The following CYFIP2 variants were observed in gnomAD, a reference collection of about 807,000 sequenced individuals.
The protein encoded by CYFIP2 is cytoplasmic FMR1 interacting protein 2.
CYFIP2 carries 29 observed loss-of-function variants against 158.7 expected under a neutral mutation model. The ratio of observed to expected loss-of-function variants is 0.18; its 90% confidence interval spans 0.14 to 0.25. The LOEUF (loss-of-function observed/expected upper bound fraction) is 0.25, where lower values mean the gene tolerates loss of function less well. CYFIP2 is among the 10% of genes least tolerant of loss of function. The probability of loss-of-function intolerance (pLI) is 1.00; values close to 1 mark genes in which losing one functional copy is unlikely to be tolerated. For missense variants in CYFIP2, 852 were observed against 1,639.5 expected (o/e 0.52, Z 8.29); for synonymous variants, 585 against 617.6 (o/e 0.95, Z 0.78).
rs780950364 is a variant in CYFIP2, at chr5:157,361,453, C to A, written c.2909-15C>A. The A allele has an allele frequency of 1.9e-6, 3 of 1,613,646 alleles. No homozygotes were observed. Among genetic ancestry groups the A allele is most frequent in the Non-Finnish European group, 2.5e-6 (3 of 1,179,870 alleles). On this transcript the variant is annotated splice_polypyrimidine_tract_variant and intron_variant, in intron 25 of 30. Transcript: ENST00000620254. The surrounding 1 kb of genome is among the most constrained non-coding windows in gnomAD (Gnocchi z 4.4). ...AGTGTCAACTTCCCACTGACCACCCCGATTCACCTCCCAGGGATCCTGGAG... is the reference window on the plus strand; with the variant it reads ...AGTGTCAACTTCCCACTGACCACCCAGATTCACCTCCCAGGGATCCTGGAG...
At chr5:157,355,876 A>G (rs1763373681) in intron 23 of CYFIP2, among the ~76,000 whole-genome samples, 1 of 152,200 alleles carries the variant, frequency 6.6e-6, no homozygotes, top group Non-Finnish European at 1.5e-5. Context: ...GAGCACAGCC[A>G]GGTCTTTGTC....
chr5:157,372,471 G>A (rs567720074), intron 26 of CYFIP2, among the ~76,000 whole-genome samples: 3 of 152,250 alleles, frequency 2.0e-5, no homozygotes, highest in South Asian at 4.2e-4. Flanking sequence ...AGTTGAAGCG[G>A]GGGACATAAA....
intron 3 of CYFIP2, among the ~76,000 whole-genome samples, chr5:157,287,411 G>C (rs948136702): frequency 6.6e-6 from 1 of 152,170 alleles, no homozygotes; most frequent in Non-Finnish European, 1.5e-5. Context: ...ATTGGATCTT[G>C]CCTTGTTTAT....
chr5:157,314,338 C>A lies in CYFIP2; in HGVS notation c.1111-6C>A. 6.2e-7 allele frequency: 1 copy of A among 1,613,126 alleles called. No individual in the cohort carries two copies. The highest frequency in any genetic ancestry group is 1.1e-5 in the South Asian group (1 of 90,922). The stretch of plus-strand genomic sequence containing the variant: ...GACCATGAGTATGACACCTGATGCT[C>A]CCCAGGTGGTGACGGGCTCAGGGCT... On this transcript the variant is annotated splice_region_variant and splice_polypyrimidine_tract_variant and intron_variant, in intron 11 of 30. Coordinates refer to ENST00000620254, the MANE Select transcript of CYFIP2 (RefSeq NM_001037333.3).
chr5:157,278,541 G>A (rs1421025272), intron 1 of CYFIP2, among the ~76,000 whole-genome samples: 4 of 152,146 alleles, frequency 2.6e-5, no homozygotes, highest in Non-Finnish European at 5.9e-5. Flanking sequence ...GAATAAAAGT[G>A]TTTACTTCTC....
At chr5:157,385,962 C>T (rs571600194) in intron 28 of CYFIP2, among the ~76,000 whole-genome samples, 3 of 152,204 alleles carry the variant, frequency 2.0e-5, no homozygotes, top group South Asian at 4.2e-4. Flanking sequence ...CCCCTCCCTA[C>T]ATAACACCAA....
intron 3 of CYFIP2, among the ~76,000 whole-genome samples, chr5:157,294,435 G>C (rs17054429): frequency 0.11 from 16,044 of 152,146 alleles, 1,214 homozygotes; most frequent in East Asian, 0.26. Context: ...TGTACATACT[G>C]TTTTGCTACT....
intron 20 of CYFIP2, among the ~76,000 whole-genome samples, chr5:157,332,789 C>T (rs1462424566): frequency 6.6e-6 from 1 of 152,146 alleles, no homozygotes; most frequent in East Asian, 1.9e-4. Flanking sequence ...GGACTACAGG[C>T]GTACACCACC....
chr5:157,321,787 T>C (rs1012147822), intron 15 of CYFIP2, among the ~76,000 whole-genome samples: 1 of 152,190 alleles, frequency 6.6e-6, no homozygotes, highest in South Asian at 2.1e-4. Context: ...TCATCTTAAC[T>C]CCCCTTGGCT....
chr5:157,369,881 T>TTTC (rs200775828), intron 26 of CYFIP2, among the ~76,000 whole-genome samples: 1 of 129,320 alleles, frequency 7.7e-6, no homozygotes, highest in Non-Finnish European at 1.6e-5. Flanking sequence ...TGGACCTAGT[T>TTTC]TTTTTTTTTT....
At chr5:157,383,538 C>G in intron 28 of CYFIP2, 179 bp downstream of exon 28, 1 of 568,180 alleles carries the variant, frequency 1.8e-6, no homozygotes, top group Non-Finnish European at 3.1e-6. Context: ...GATTTGCTGA[C>G]TCTCAGGCCT....
At chr5:157,380,729 A>G (rs540675544) in intron 26 of CYFIP2, among the ~76,000 whole-genome samples, 1 of 152,364 alleles carries the variant, frequency 6.6e-6, no homozygotes. Context: ...TATTTCAGGT[A>G]TGCAAGGCTG....
At chr5:157,270,370 G>T (rs1373081266) in intron 1 of CYFIP2, among the ~76,000 whole-genome samples, 1 of 152,142 alleles carries the variant, frequency 6.6e-6, no homozygotes. Flanking sequence ...GAGACTTCAG[G>T]GTTTGGAACA....
At chr5:157,288,013 A>T (rs942483678) in intron 3 of CYFIP2, among the ~76,000 whole-genome samples, 1 of 152,016 alleles carries the variant, frequency 6.6e-6, no homozygotes, top group Non-Finnish European at 1.5e-5. Flanking sequence ...GGATTGCTTG[A>T]GCCCAGGAGG....
chr5:157,327,892 G>A, intron 18 of CYFIP2, 81 bp from the exon 19 acceptor site: 3 of 1,362,596 alleles, frequency 2.2e-6, no homozygotes, highest in Non-Finnish European at 3.1e-6. Context: ...AATCCTGCCT[G>A]ACTGCTGTCT....
intron 1 of CYFIP2, among the ~76,000 whole-genome samples, chr5:157,284,688 G>A (rs1468428832): frequency 6.6e-6 from 1 of 152,136 alleles, no homozygotes; most frequent in Non-Finnish European, 1.5e-5. Context: ...GCTGTGCCAG[G>A]GTCTAAGACA....
intron 23 of CYFIP2, among the ~76,000 whole-genome samples, chr5:157,354,737 C>T (rs1763299312): frequency 6.6e-6 from 1 of 152,078 alleles, no homozygotes; most frequent in Admixed American, 6.6e-5. Flanking sequence ...AATCAGGGGC[C>T]TCCAAAGTGA....
At chr5:157,386,459 A>G (rs574036823) in intron 28 of CYFIP2, among the ~76,000 whole-genome samples, 1 of 152,304 alleles carries the variant, frequency 6.6e-6, no homozygotes, top group South Asian at 2.1e-4. Context: ...TCATGAGGGT[A>G]CAAGGAACAG....
intron 5 of CYFIP2, among the ~76,000 whole-genome samples, chr5:157,297,585 A>G (rs554268500): frequency 6.6e-6 from 1 of 152,332 alleles, no homozygotes; most frequent in Non-Finnish European, 1.5e-5. Flanking sequence ...CTTTTTGGGA[A>G]GGCAGGGCCA....
Sources: gnomAD v4.1 joint callset for allele counts (sites outside exome capture counted in the v4.1 genomes callset) on GRCh38, gnomAD v4.1.1 for gene constraint, Gnocchi (gnomAD v3.1) non-coding constraint, MANE v1.5 for transcripts, NCBI Gene and HGNC (gene_info 2026-07-23, HGNC 2026-07-21) for gene names.